ALK: variants seen among roughly 807,000 people sequenced by gnomAD.
ALK encodes ALK tyrosine kinase receptor.
ALK carries 74 observed loss-of-function variants against 163.1 expected under a neutral mutation model. The observed-to-expected ratio is 0.45, with a 90% confidence interval of 0.38 to 0.55. The LOEUF (loss-of-function observed/expected upper bound fraction) is 0.55, where lower values mean the gene tolerates loss of function less well. Ranked by LOEUF, ALK falls within the 20% of genes least tolerant of loss-of-function variation. ALK has a pLI of 0.00. For missense variants in ALK, 2,063 were observed against 2,105.3 expected, an observed-to-expected ratio of 0.98 and a Z score of 0.39; for synonymous variants, 960 against 843.2, an observed-to-expected ratio of 1.14 and a Z score of -2.40.
intron 3 of ALK, among the ~76,000 whole-genome samples, chr2:29,676,640 G>C (rs887146754): frequency 2.6e-5 from 4 of 151,740 alleles, no homozygotes; most frequent in African/African-American, 9.7e-5. Flanking sequence ...TCTATTCCAG[G>C]TCTTTTCCAT....
At chr2:29,768,743 G>GTGTGTGTGTGTA (rs373708982) in intron 1 of ALK, among the ~76,000 whole-genome samples, 12 of 150,682 alleles carry the variant, frequency 8.0e-5, no homozygotes, top group African/African-American at 2.4e-4. Flanking sequence ...GTGTGTGTGT[G>GTGTGTGTGTGTA]TATATATGTA....
At chr2:29,239,484 T>C (rs1007185983) in intron 13 of ALK, among the ~76,000 whole-genome samples, 196 bp downstream of exon 13, 2 of 152,172 alleles carry the variant, frequency 1.3e-5, no homozygotes, top group South Asian at 4.1e-4. Context: ...TGCCAGGTCC[T>C]GCCTCCCCCT....
chr2:29,423,465 G>T (rs1362022203), intron 4 of ALK, among the ~76,000 whole-genome samples: 1 of 152,218 alleles, frequency 6.6e-6, no homozygotes, highest in East Asian at 1.9e-4. Flanking sequence ...CGCCACAGGT[G>T]GCCTTAGCTT....
chr2:29,620,557 C>A (rs1057426775), intron 3 of ALK, among the ~76,000 whole-genome samples: 1 of 151,966 alleles, frequency 6.6e-6, no homozygotes, highest in African/African-American at 2.4e-5. Context: ...GATGCGAACA[C>A]GGAGTCGGGG....
intron 3 of ALK, among the ~76,000 whole-genome samples, chr2:29,690,105 C>T (rs1678352123): frequency 2.0e-5 from 3 of 152,154 alleles, no homozygotes; most frequent in African/African-American, 7.2e-5. Flanking sequence ...CACAAGGGTA[C>T]AACAGGAGTG....
At chr2:29,708,723 G>A (rs1169632648) in intron 2 of ALK, among the ~76,000 whole-genome samples, 1 of 152,340 alleles carries the variant, frequency 6.6e-6, no homozygotes, top group African/African-American at 2.4e-5. Flanking sequence ...GGTTAGGTGT[G>A]GGCTCTGCCA....
chr2:29,875,578 C>T (rs1286294803), intron 1 of ALK, among the ~76,000 whole-genome samples: 2 of 152,108 alleles, frequency 1.3e-5, no homozygotes, highest in Non-Finnish European at 2.9e-5. Flanking sequence ...TGCTCTCCCT[C>T]TCCTTGTCCC....
chr2:29,736,823 C>G (rs1277333074), intron 1 of ALK, among the ~76,000 whole-genome samples: 1 of 151,788 alleles, frequency 6.6e-6, no homozygotes, highest in Non-Finnish European at 1.5e-5. Context: ...GTAATTAAGC[C>G]GTATACAGGA....
chr2:29,492,135 T>C (rs924560606), intron 4 of ALK, among the ~76,000 whole-genome samples: 2 of 152,180 alleles, frequency 1.3e-5, no homozygotes, highest in African/African-American at 4.8e-5. Context: ...ATGGTTACCA[T>C]TACCAATTAC....
At chr2:29,429,862 G>T (rs1166144437) in intron 4 of ALK, among the ~76,000 whole-genome samples, 1 of 152,034 alleles carries the variant, frequency 6.6e-6, no homozygotes, top group East Asian at 1.9e-4. Context: ...TGTTATGCTG[G>T]CATAATGATA....
At chr2:29,851,440 C>T (rs897511945) in intron 1 of ALK, among the ~76,000 whole-genome samples, 2 of 152,200 alleles carry the variant, frequency 1.3e-5, no homozygotes, top group Non-Finnish European at 2.9e-5. Context: ...TGTTCTGAAT[C>T]TCGCATTCCC....
chr2:29,257,549 G>T (rs1664981977), intron 11 of ALK, among the ~76,000 whole-genome samples: 1 of 152,138 alleles, frequency 6.6e-6, no homozygotes. Flanking sequence ...TGAATTCAAT[G>T]CAAAGAAATA....
intron 3 of ALK, among the ~76,000 whole-genome samples, chr2:29,600,489 A>T (rs759220789): frequency 1.3e-5 from 2 of 152,228 alleles, no homozygotes; most frequent in Non-Finnish European, 2.9e-5. Context: ...ATCATAGTTT[A>T]TGTGGGAAAC....
chr2:29,686,616 G>A (rs2148283043), intron 3 of ALK, among the ~76,000 whole-genome samples: 1 of 152,286 alleles, frequency 6.6e-6, no homozygotes, highest in South Asian at 2.1e-4. Flanking sequence ...CCAGAGCCAG[G>A]CCTCTGCTCC....
intron 3 of ALK, among the ~76,000 whole-genome samples, chr2:29,560,040 G>C (rs1238505520): frequency 1.3e-5 from 2 of 152,124 alleles, no homozygotes; most frequent in Non-Finnish European, 2.9e-5. Context: ...CAGTTTTGAA[G>C]TTTCCTAAAA....
chr2:29,344,356 C>T (rs1428324583), intron 5 of ALK, among the ~76,000 whole-genome samples: 1 of 152,126 alleles, frequency 6.6e-6, no homozygotes, highest in African/African-American at 2.4e-5. Flanking sequence ...TGATGGAAGC[C>T]ACCACATAAC....
chr2:29,781,772 A>G (rs1681336811), intron 1 of ALK, among the ~76,000 whole-genome samples: 1 of 152,202 alleles, frequency 6.6e-6, no homozygotes, highest in African/African-American at 2.4e-5. Context: ...GAATTTCTCT[A>G]GCCAAATTCT....
chr2:29,836,755 T>A (rs2148391859), intron 1 of ALK, among the ~76,000 whole-genome samples: 1 of 152,350 alleles, frequency 6.6e-6, no homozygotes, highest in African/African-American at 2.4e-5. Flanking sequence ...GATTACATGG[T>A]TGGTTGGAGA....
intron 4 of ALK, among the ~76,000 whole-genome samples, chr2:29,471,237 C>T (rs1182886056): frequency 1.3e-5 from 2 of 152,136 alleles, no homozygotes; most frequent in Admixed American, 6.5e-5. Context: ...AAACCAATTT[C>T]ACACAAACTC....
Sources: gnomAD v4.1 joint callset for allele counts (sites outside exome capture counted in the v4.1 genomes callset) on GRCh38, gnomAD v4.1.1 for gene constraint, MANE v1.5 for transcripts, NCBI Gene and HGNC (gene_info 2026-07-23, HGNC 2026-07-21) for gene names.